SLAIN1: variants seen among roughly 807,000 people sequenced by gnomAD.
SLAIN1 encodes SLAIN family member 1.
SLAIN1 carries 17 observed loss-of-function variants against 55.4 expected under a neutral mutation model. That is an observed-to-expected ratio of 0.31 (90% CI 0.21 to 0.46). The LOEUF (loss-of-function observed/expected upper bound fraction) is 0.46, where lower values mean the gene tolerates loss of function less well. Ranked by LOEUF, SLAIN1 falls within the 20% of genes least tolerant of loss-of-function variation. The pLI, the probability that SLAIN1 is intolerant of heterozygous loss-of-function variation, is 1.00. For synonymous variants in SLAIN1, 348 were observed against 337.4 expected (o/e 1.03, Z -0.35); for missense variants, 682 against 785.1 (o/e 0.87, Z 1.57).
At chr13:77,750,398 T>C (rs1874126863) in intron 4 of SLAIN1, among the ~76,000 whole-genome samples, 1 of 152,144 alleles carries the variant, frequency 6.6e-6, no homozygotes, top group Non-Finnish European at 1.5e-5. Context: ...TAAAAATATA[T>C]GTATTGGAAA....
intron 2 of SLAIN1, among the ~76,000 whole-genome samples, chr13:77,735,521 C>CCAT (rs1873077474): frequency 6.6e-6 from 1 of 151,882 alleles, no homozygotes; most frequent in Non-Finnish European, 1.5e-5. Flanking sequence ...TTCTGTATGG[C>CCAT]CTAAGAGCAT....
intron 2 of SLAIN1, among the ~76,000 whole-genome samples, chr13:77,728,652 G>A (rs1032042124): frequency 2.0e-5 from 3 of 152,164 alleles, no homozygotes; most frequent in Non-Finnish European, 4.4e-5. Flanking sequence ...TTATAAAGGA[G>A]TGTTAATGTC....
intron 1 of SLAIN1, among the ~76,000 whole-genome samples, chr13:77,706,650 T>C (rs1000861695): frequency 1.1e-4 from 16 of 147,972 alleles, no homozygotes; most frequent in Non-Finnish European, 1.2e-4. Flanking sequence ...ATTCCCTTCT[T>C]CTTAAATCCT....
chr13:77,698,021 G>T lies in SLAIN1; in HGVS notation c.108G>T (p.Val36=). The change falls in exon 1 of 7, where the codon GTG becomes GTT. Residue 36 remains valine, a synonymous_variant. Transcript: ENST00000418532. This position sits in a 1 kb window ranked among gnomAD's most constrained non-coding sequence, Gnocchi z 4.1. The part of the protein sequence containing the change: ...ELEVKKLQEL[V]RKLEKQNEQL... ...AGGTGAAGAAGCTGCAGGAGCTGGT[G>T]CGCAAGCTGGAGAAGCAGAACGAGC... 7.0e-7 allele frequency: 1 copy of T among 1,429,004 alleles called. No homozygotes were observed. Among genetic ancestry groups the T allele is most frequent in the Non-Finnish European group, 9.3e-7 (1 of 1,079,418 alleles). 88.5% of individuals were successfully genotyped at this position (1,429,004 alleles called of 1,614,324 possible). A position where few individuals can be genotyped will look rare whatever the true frequency, so the allele number is the denominator to read the frequency against.
Position 77,698,016 on chromosome 13 carries a change from C to T in SLAIN1, c.103C>T (p.Leu35=), listed in dbSNP as rs2090990810. 3 of 1,432,510 alleles carry T rather than the reference C, an allele frequency of 2.1e-6. No homozygotes were observed. Among genetic ancestry groups the T allele is most frequent in the East Asian group, 3.3e-5 (1 of 30,008 alleles). 88.7% of individuals were successfully genotyped at this position (1,432,510 alleles called of 1,614,324 possible). ...GCTGGAGGTGAAGAAGCTGCAGGAG[C>T]TGGTGCGCAAGCTGGAGAAGCAGAA... The part of the protein sequence containing the change: ...AELEVKKLQE[L]VRKLEKQNEQ... The change falls in exon 1 of 7, where the codon CTG becomes TTG. Residue 35 remains leucine (L), a synonymous_variant. Transcript: ENST00000418532. This position sits in a 1 kb window ranked among gnomAD's most constrained non-coding sequence, Gnocchi z 4.1.
At chr13:77,735,190 T>C (rs921207581) in intron 2 of SLAIN1, among the ~76,000 whole-genome samples, 5 of 152,124 alleles carry the variant, frequency 3.3e-5, no homozygotes, top group Non-Finnish European at 5.9e-5. Flanking sequence ...CAAACATAAC[T>C]TTTTTTCATA....
At position 77,741,127 on chromosome 13, in the gene SLAIN1, G is replaced by A. The variant is rs1594281836; in HGVS notation, c.767-3156G>A. On this transcript the variant is annotated intron_variant, in intron 2 of 6. Transcript: ENST00000418532. ...TGCTGCTTACTTGTGATGTGCTGCC[G>A]CCCGCATCTGTGGGTGAGAACACGC... 14 of 984,864 alleles carry A rather than the reference G, an allele frequency of 1.4e-5. 1 individual carries two copies. The highest frequency in any genetic ancestry group is 5.2e-4 in the Middle Eastern group (1 of 1,934). The allele number at this position is 984,864 out of a possible 1,614,324, so 61.0% of individuals were successfully genotyped here. A position where few individuals can be genotyped will look rare whatever the true frequency, so the allele number is the denominator to read the frequency against.
chr13:77,760,947 A>T lies in SLAIN1; in HGVS notation c.1534A>T (p.Met512Leu). The T allele has an allele frequency of 6.2e-7, 1 of 1,614,200 alleles. No individual in the cohort carries two copies. The highest frequency in any genetic ancestry group is 8.5e-7 in the Non-Finnish European group (1 of 1,180,036). Residue 512 changes from methionine (M) to leucine (L), a missense_variant, in exon 6 of 7, where the codon ATG (methionine) becomes TTG (leucine). By Grantham distance (15) the Met-to-Leu change is conservative (BLOSUM62 2). This residue lies in a region of SLAIN1 where 244 missense variants were observed against 295.2 expected (regional missense o/e 0.83). Transcript: ENST00000418532. The stretch of plus-strand genomic sequence containing the variant: ...TCCAACCGTTCAAGGCAGCAGTAAC[A>T]TGCCTTTATCAAACGGCTTACAGCT... ...VSPTVQGSSN[M>L]PLSNGLQLYS...
At chr13:77,714,781 T>G (rs1343324072) in intron 1 of SLAIN1, among the ~76,000 whole-genome samples, 4 of 152,224 alleles carry the variant, frequency 2.6e-5, no homozygotes, top group Non-Finnish European at 5.9e-5. Context: ...AGTTAATGTG[T>G]AGTGAACAGA....
At chr13:77,700,201 G>A (rs1342208354) in intron 1 of SLAIN1, among the ~76,000 whole-genome samples, 1 of 152,108 alleles carries the variant, frequency 6.6e-6, no homozygotes, top group Non-Finnish European at 1.5e-5. Context: ...CTAGCATTTT[G>A]GTACCTAGGC....
chr13:77,732,778 G>T (rs1188148134), intron 2 of SLAIN1, among the ~76,000 whole-genome samples: 1 of 152,110 alleles, frequency 6.6e-6, no homozygotes. Flanking sequence ...ATTTGATCTG[G>T]TGTGCTTAAA....
At chr13:77,741,243 T>A in intron 2 of SLAIN1, 4 of 987,006 alleles carry the variant, frequency 4.1e-6, no homozygotes, top group Non-Finnish European at 3.6e-6. Context: ...ACTATTGGTC[T>A]TTTAAAATAT....
At chr13:77,721,088 T>A (rs371497345) in intron 2 of SLAIN1, among the ~76,000 whole-genome samples, 5 of 152,150 alleles carry the variant, frequency 3.3e-5, no homozygotes, top group African/African-American at 1.2e-4. Context: ...CATCTCCATT[T>A]GTAATCCTCA....
At chr13:77,723,872 A>AT (rs1048306995) in intron 2 of SLAIN1, among the ~76,000 whole-genome samples, 5 of 150,808 alleles carry the variant, frequency 3.3e-5, no homozygotes, top group Non-Finnish European at 7.4e-5. Flanking sequence ...CAAATTTTAT[A>AT]TTTTTCTCTC....
intron 2 of SLAIN1, among the ~76,000 whole-genome samples, chr13:77,733,400 A>G (rs1362275941): frequency 6.6e-6 from 1 of 152,170 alleles, no homozygotes. Flanking sequence ...TTACATTTTG[A>G]GTAAAATTGG....
chr13:77,702,202 A>G (rs529955704), intron 1 of SLAIN1, among the ~76,000 whole-genome samples: 64 of 152,072 alleles, frequency 4.2e-4, no homozygotes, highest in African/African-American at 1.4e-3. Context: ...AGTCTTTGCT[A>G]TCGTGAACCT....
chr13:77,718,905 G>A (rs2091234092), intron 1 of SLAIN1, among the ~76,000 whole-genome samples: 1 of 152,004 alleles, frequency 6.6e-6, no homozygotes, highest in African/African-American at 2.4e-5. Flanking sequence ...ATCCATTACT[G>A]TGTAATTGTG....
At chr13:77,741,794 G>A (rs1315580998) in intron 2 of SLAIN1, among the ~76,000 whole-genome samples, 2 of 149,298 alleles carry the variant, frequency 1.3e-5, no homozygotes, top group Non-Finnish European at 3.0e-5. Context: ...GCACTTTTCA[G>A]CTGTCTGATT....
At chr13:77,709,150 G>A (rs1189774216) in intron 1 of SLAIN1, among the ~76,000 whole-genome samples, 1 of 151,692 alleles carries the variant, frequency 6.6e-6, no homozygotes, top group African/African-American at 2.4e-5. Context: ...CAATCAAGCA[G>A]AAGAAGGTAT....
Sources: gnomAD v4.1 joint callset for allele counts (sites outside exome capture counted in the v4.1 genomes callset) on GRCh38, gnomAD v4.1.1 for gene constraint, gnomAD v4.1.1 regional missense constraint, Gnocchi (gnomAD v3.1) non-coding constraint, MANE v1.5 for transcripts, NCBI Gene and HGNC (gene_info 2026-07-23, HGNC 2026-07-21) for gene names.